Variants in SEMA5A observed in about 807,000 individuals in gnomAD.
SEMA5A encodes the protein semaphorin 5A.
SEMA5A carries 55 observed loss-of-function variants against 135.5 expected under a neutral mutation model. That is an observed-to-expected ratio of 0.41 (90% CI 0.33 to 0.51). The LOEUF is 0.51. SEMA5A is among the 20% of genes least tolerant of loss of function. The pLI, the probability that SEMA5A is intolerant of heterozygous loss-of-function variation, is 0.37. For missense variants in SEMA5A, 1,290 were observed against 1,419.9 expected, an observed-to-expected ratio of 0.91 and a Z score of 1.47; for synonymous variants, 580 against 546.5, an observed-to-expected ratio of 1.06 and a Z score of -0.85.
At chr5:9,349,516 A>T (rs1219703026) in intron 3 of SEMA5A, among the ~76,000 whole-genome samples, 2 of 152,206 alleles carry the variant, frequency 1.3e-5, no homozygotes, top group Non-Finnish European at 2.9e-5. Flanking sequence ...AAGCATAAAG[A>T]TGATAAATGC....
chr5:9,419,236 T>C (rs1226264017), intron 2 of SEMA5A, among the ~76,000 whole-genome samples: 1 of 152,194 alleles, frequency 6.6e-6, no homozygotes, highest in Non-Finnish European at 1.5e-5. Context: ...AGAGTGTCCT[T>C]GGTATGATTT....
At chr5:9,181,923 A>G (rs1744535530) in intron 11 of SEMA5A, among the ~76,000 whole-genome samples, 1 of 151,552 alleles carries the variant, frequency 6.6e-6, no homozygotes, top group Non-Finnish European at 1.5e-5. Context: ...AGTTGTCTAG[A>G]TGGGTATCTA....
In SEMA5A at chr5:9,119,990, A is replaced by G. The variant is rs929245058; in HGVS notation, c.1782-849T>C. Among the ~76,000 whole-genome samples, 4 of 152,018 alleles carry G rather than the reference A, an allele frequency of 2.6e-5. No homozygotes were observed. In the South Asian group the frequency reaches 6.2e-4, roughly 24 times the overall value. ...AGCTCTAGAAATGTTTTAGTATTGTATTTTTTCCTTAAAATGCTTGTATTC... is the reference window on the plus strand; with the variant it reads ...AGCTCTAGAAATGTTTTAGTATTGTGTTTTTTCCTTAAAATGCTTGTATTC... On this transcript the variant is annotated intron_variant, in intron 14 of 22. Coordinates refer to ENST00000382496, the MANE Select transcript of SEMA5A (RefSeq NM_003966.3).
intron 13 of SEMA5A, among the ~76,000 whole-genome samples, chr5:9,125,267 A>G (rs1023187186): frequency 5.3e-5 from 8 of 152,292 alleles, no homozygotes; most frequent in African/African-American, 1.7e-4. Flanking sequence ...CTGGCTATCT[A>G]TGTAAGAAAC....
chr5:9,222,534 T>C lies in SEMA5A; in HGVS notation c.646+2140A>G, dbSNP rs552173457. Among the ~76,000 whole-genome samples the C allele has an allele frequency of 5.9e-5, 9 of 152,300 alleles. No individual in the cohort carries two copies. In the South Asian group the frequency reaches 1.9e-3, roughly 32 times the overall value. ...CCTGAGAAATGCAGGCTATTCATTGTCATGCAAATTGTGCTGCCCTTGTGG... is the reference window on the plus strand; with the variant it reads ...CCTGAGAAATGCAGGCTATTCATTGCCATGCAAATTGTGCTGCCCTTGTGG... On this transcript the variant is annotated intron_variant, in intron 8 of 22. Coordinates refer to ENST00000382496, the MANE Select transcript of SEMA5A (RefSeq NM_003966.3).
At chr5:9,389,661 C>T (rs1046221297) in intron 2 of SEMA5A, among the ~76,000 whole-genome samples, 2 of 152,174 alleles carry the variant, frequency 1.3e-5, no homozygotes, top group African/African-American at 4.8e-5. Flanking sequence ...TCCATGCCCT[C>T]CTCTCTGTCC....
intron 1 of SEMA5A, among the ~76,000 whole-genome samples, chr5:9,471,244 G>T (rs1759466681): frequency 6.6e-6 from 1 of 152,072 alleles, no homozygotes. Context: ...CGAGTGATGG[G>T]GTCTCAACAT....
intron 5 of SEMA5A, among the ~76,000 whole-genome samples, chr5:9,252,975 A>G (rs908937569): frequency 6.6e-6 from 1 of 152,058 alleles, no homozygotes; most frequent in African/African-American, 2.4e-5. Flanking sequence ...CCCCAGCCTC[A>G]CTATCCCCCT....
rs765699881 is a variant in SEMA5A at position 9,197,211 on chromosome 5, C to T, written c.1025G>A (p.Arg342His). ...GTTGGGATACGGTAGCCAGGCCGAG[C>T]GCGAGTTTTCTTGGTACTTGAAGGG... ...SGPFKYQENSRSAWLPYPNPN... is the reference protein window; with the variant it reads ...SGPFKYQENSHSAWLPYPNPN... The change falls in exon 10 of 23, where the codon CGC (arginine) becomes CAC (histidine). Residue 342 changes from arginine to histidine, a missense_variant. By Grantham distance (29) the Arg-to-His change is conservative (BLOSUM62 0). Coordinates refer to ENST00000382496, the MANE Select transcript of SEMA5A (RefSeq NM_003966.3). 3.1e-6 allele frequency: 5 copies of T among 1,614,164 alleles called. No homozygotes were observed. The highest frequency in any genetic ancestry group is 1.6e-4 in the Middle Eastern group (1 of 6,062).
At chr5:9,246,237 A>T (rs1479241906) in intron 5 of SEMA5A, among the ~76,000 whole-genome samples, 1 of 149,744 alleles carries the variant, frequency 6.7e-6, no homozygotes, top group Non-Finnish European at 1.5e-5. Context: ...AAAAAAATCA[A>T]ATCACTGGAG....
At chr5:9,083,980 C>A (rs1579361192) in intron 16 of SEMA5A, among the ~76,000 whole-genome samples, 1 of 152,280 alleles carries the variant, frequency 6.6e-6, no homozygotes, top group South Asian at 2.1e-4. Context: ...TTACCTTGAG[C>A]AATCAATTCT....
At chr5:9,197,421 T>C (rs1745456255) in intron 9 of SEMA5A, 118 bp from the exon 10 acceptor site, 2 of 1,218,836 alleles carry the variant, frequency 1.6e-6, no homozygotes, top group Non-Finnish European at 2.3e-6. Flanking sequence ...AAGACCACAG[T>C]CTCTTAAAGA....
At chr5:9,278,595 C>T (rs1750385567) in intron 5 of SEMA5A, among the ~76,000 whole-genome samples, 1 of 152,222 alleles carries the variant, frequency 6.6e-6, no homozygotes, top group African/African-American at 2.4e-5. Context: ...GCCCTCTCAT[C>T]ACAGGCCTGC....
At chr5:9,358,217 A>G (rs1043648286) in intron 3 of SEMA5A, among the ~76,000 whole-genome samples, 2 of 152,166 alleles carry the variant, frequency 1.3e-5, no homozygotes, top group Non-Finnish European at 2.9e-5. Flanking sequence ...CATCTCTAAC[A>G]TGAAACCTCA....
intron 5 of SEMA5A, among the ~76,000 whole-genome samples, chr5:9,287,686 G>A (rs1750868626): frequency 6.6e-6 from 1 of 152,126 alleles, no homozygotes; most frequent in Admixed American, 6.5e-5. Flanking sequence ...TTAAAACTCA[G>A]CCATCCATAT....
At chr5:9,330,216 C>G (rs957488623) in intron 4 of SEMA5A, among the ~76,000 whole-genome samples, 8 of 151,794 alleles carry the variant, frequency 5.3e-5, no homozygotes, top group African/African-American at 1.9e-4. Flanking sequence ...TGGTGAAACC[C>G]CGCCTCTACT....
chr5:9,236,916 G>A (rs1747943772), intron 6 of SEMA5A, among the ~76,000 whole-genome samples: 1 of 151,956 alleles, frequency 6.6e-6, no homozygotes, highest in Non-Finnish European at 1.5e-5. Context: ...ATGAAATTGG[G>A]TAAAAAAAAG....
intron 5 of SEMA5A, among the ~76,000 whole-genome samples, chr5:9,255,945 T>C (rs937659523): frequency 7.2e-5 from 11 of 152,114 alleles, no homozygotes; most frequent in African/African-American, 2.7e-4. Context: ...ACCCACTTAG[T>C]TGCTCTGGTC....
At chr5:9,504,464 C>T (rs1349683263) in intron 1 of SEMA5A, among the ~76,000 whole-genome samples, 2 of 152,120 alleles carry the variant, frequency 1.3e-5, no homozygotes, top group Non-Finnish European at 2.9e-5. Flanking sequence ...GGCAAAGTCC[C>T]CTTTCTTGCA....
Sources: gnomAD v4.1 joint callset for allele counts (sites outside exome capture counted in the v4.1 genomes callset) on GRCh38, gnomAD v4.1.1 for gene constraint, MANE v1.5 for transcripts, NCBI Gene and HGNC (gene_info 2026-07-23, HGNC 2026-07-21) for gene names.